Variants in SMURF2 observed in about 807,000 individuals in gnomAD.
SMURF2 encodes SMAD specific E3 ubiquitin protein ligase 2, also known as E3 ubiquitin-protein ligase SMURF2.
SMURF2 carries 48 observed loss-of-function variants against 109.6 expected under a neutral mutation model. The observed-to-expected ratio is 0.44, with a 90% confidence interval of 0.35 to 0.56. The LOEUF is 0.56. Ranked by LOEUF, SMURF2 falls within the 20% of genes least tolerant of loss-of-function variation. The probability of loss-of-function intolerance (pLI) is 0.01; values close to 1 mark genes in which losing one functional copy is unlikely to be tolerated. For missense variants in SMURF2, 575 were observed against 909.0 expected (o/e 0.63, Z 4.72); for synonymous variants, 288 against 317.1 (o/e 0.91, Z 0.97).
intron 13 of SMURF2, among the ~76,000 whole-genome samples, chr17:64,556,839 T>TA (rs1969126547): frequency 6.6e-6 from 1 of 152,228 alleles, no homozygotes; most frequent in African/African-American, 2.4e-5. Flanking sequence ...AGCTCGTCTT[T>TA]AAACCTTTTA....
intron 14 of SMURF2, 42 bp from the exon 15 acceptor site, chr17:64,555,035 A>G: frequency 6.4e-7 from 1 of 1,574,344 alleles, no homozygotes; most frequent in South Asian, 1.1e-5. Flanking sequence ...GGGAAACCTA[A>G]AATACAGACC....
At chr17:64,624,260 G>A (rs1217233866) in intron 1 of SMURF2, among the ~76,000 whole-genome samples, 1 of 152,152 alleles carries the variant, frequency 6.6e-6, no homozygotes, top group African/African-American at 2.4e-5. Flanking sequence ...ACTTTGGGAG[G>A]CTGAGGCGGG....
intron 1 of SMURF2, among the ~76,000 whole-genome samples, chr17:64,655,361 G>A (rs1468886212): frequency 2.1e-5 from 3 of 144,708 alleles, no homozygotes; most frequent in East Asian, 2.1e-4. Flanking sequence ...AGGTTCAAGC[G>A]ATTCTTGTGA....
Position 64,557,635 on chromosome 17 carries a change from C to G in SMURF2, c.1404G>C (p.Gln468His). Reference protein sequence around the residue: ...QYSRDDIYTLQINPDSAVNPE... With the variant: ...QYSRDDIYTLHINPDSAVNPE... ...GATTAACTGCAGAATCAGGATTGAT[C>G]TGCAATGTATAAATATCATCTCTTG... is the stretch of plus-strand genomic sequence containing the variant. The change falls in exon 13 of 19, where the codon CAG (glutamine) becomes CAC (histidine). Residue 468 changes from glutamine (Q) to histidine (H), a missense_variant. This residue lies in a region of SMURF2 where 361 missense variants were observed against 612.1 expected (regional missense o/e 0.59). Transcript: ENST00000262435. 6.2e-7 allele frequency: 1 copy of G among 1,608,132 alleles called. No individual in the cohort carries two copies. Among genetic ancestry groups the G allele is most frequent in the Non-Finnish European group, 8.5e-7 (1 of 1,175,610 alleles).
chr17:64,644,269 G>A (rs1056587230), intron 1 of SMURF2, among the ~76,000 whole-genome samples: 2 of 152,018 alleles, frequency 1.3e-5, no homozygotes, highest in Admixed American at 6.6e-5. Flanking sequence ...ATAAGCCACC[G>A]CGCCCAGCCT....
chr17:64,555,812 A>G lies in SMURF2; in HGVS notation c.1610+8T>C, dbSNP rs1298605195. ...TTATAATGAAGAGATAGAAGACTCA[A>G]TACATACAGTATCCACACTAAACTG... On this transcript the variant is annotated splice_region_variant and intron_variant, in intron 14 of 18. Coordinates refer to ENST00000262435, the MANE Select transcript of SMURF2 (RefSeq NM_022739.4). 4.4e-6 allele frequency: 7 copies of G among 1,590,922 alleles called. No homozygotes were observed. The highest frequency in any genetic ancestry group is 6.0e-6 in the Non-Finnish European group (7 of 1,163,658).
Position 64,581,102 on chromosome 17 carries a change from G to A in SMURF2, c.570-111C>T. ...CAACCACTTATCATGTCTGAAAACA[G>A]AATGACTAATACAAGTATAATGACT... On this transcript the variant is annotated intron_variant, in intron 7 of 18. Transcript: ENST00000262435. This position sits in a 1 kb window ranked among gnomAD's most constrained non-coding sequence, Gnocchi z 4.3. The A allele has an allele frequency of 2.1e-6, 2 of 935,504 alleles. No individual in the cohort carries two copies. The highest frequency in any genetic ancestry group is 1.6e-6 in the Non-Finnish European group (1 of 615,522). 58.0% of individuals were successfully genotyped at this position (935,504 alleles called of 1,614,324 possible).
intron 10 of SMURF2, among the ~76,000 whole-genome samples, chr17:64,567,044 G>A (rs9906748): frequency 1.3e-5 from 2 of 151,426 alleles, no homozygotes; most frequent in African/African-American, 4.9e-5. Flanking sequence ...TTTTTTTGTA[G>A]AGACAGGTTT....
At chr17:64,613,111 T>C (rs1970068084) in intron 1 of SMURF2, among the ~76,000 whole-genome samples, 1 of 152,186 alleles carries the variant, frequency 6.6e-6, no homozygotes, top group Non-Finnish European at 1.5e-5. Context: ...TCTGTAAAAA[T>C]AAATTGTTTT....
intron 1 of SMURF2, among the ~76,000 whole-genome samples, chr17:64,611,984 T>G (rs1461886244): frequency 6.6e-6 from 1 of 152,072 alleles, no homozygotes; most frequent in East Asian, 1.9e-4. Context: ...CACGTGCCAT[T>G]CTCTCTGCCT....
At chr17:64,579,909 T>C (rs1189458315) in intron 8 of SMURF2, among the ~76,000 whole-genome samples, 9 of 152,226 alleles carry the variant, frequency 5.9e-5, no homozygotes, top group Non-Finnish European at 7.3e-5. Context: ...CTTTGAGTCA[T>C]AGCACAGTTA....
At position 64,554,910 on chromosome 17, in the gene SMURF2, T is replaced by G; in HGVS notation, c.1694A>C (p.Lys565Thr). Residue 565 changes from lysine (K) to threonine (T), a missense_variant, in exon 15 of 19, where the codon AAA (lysine) becomes ACA (threonine). This residue lies in a region of SMURF2 where 361 missense variants were observed against 612.1 expected (regional missense o/e 0.59). Transcript: ENST00000262435. ...AACAGGGATACTTTTGCCATTTGGTTTAAGTTCATGCTGAATAATTTCACC... is the reference window on the plus strand; with the variant it reads ...AACAGGGATACTTTTGCCATTTGGTGTAAGTTCATGCTGAATAATTTCACC... Reference protein sequence around the residue: ...AYGEIIQHELKPNGKSIPVNE... With the variant: ...AYGEIIQHELTPNGKSIPVNE... The G allele has an allele frequency of 1.9e-6, 3 of 1,613,712 alleles. No homozygotes were observed. Among genetic ancestry groups the G allele is most frequent in the Non-Finnish European group, 2.5e-6 (3 of 1,179,704 alleles).
At chr17:64,595,075 T>C (rs1233296189) in intron 3 of SMURF2, among the ~76,000 whole-genome samples, 2 of 152,182 alleles carry the variant, frequency 1.3e-5, no homozygotes, top group African/African-American at 4.8e-5. Context: ...CATATATTGA[T>C]TACCTCAGTC....
Position 64,593,629 on chromosome 17 carries a change from A to C in SMURF2, c.201-56T>G, listed in dbSNP as rs539712591. 120 of 1,425,176 alleles carry C rather than the reference A, an allele frequency of 8.4e-5. No individual in the cohort carries two copies. In the African/African-American group the frequency reaches 1.6e-3, roughly 19 times the overall value. The allele number at this position is 1,425,176 out of a possible 1,614,324, so 88.3% of individuals were successfully genotyped here. ...TGGTAGTTACAGGCAGTTGGCGTAAAATTTTTCTTTTGTTCTTTTTATATT... is the reference window on the plus strand; with the variant it reads ...TGGTAGTTACAGGCAGTTGGCGTAACATTTTTCTTTTGTTCTTTTTATATT... On this transcript the variant is annotated intron_variant, in intron 3 of 18. Coordinates refer to ENST00000262435, the MANE Select transcript of SMURF2 (RefSeq NM_022739.4).
intron 1 of SMURF2, among the ~76,000 whole-genome samples, chr17:64,608,494 T>G (rs891601838): frequency 7.2e-5 from 11 of 152,112 alleles, no homozygotes; most frequent in African/African-American, 2.4e-4. Flanking sequence ...TTTAGAGAAC[T>G]CCTCCCCAAA....
Position 64,662,245 on chromosome 17 carries a change from C to T in SMURF2, c.-365G>A, listed in dbSNP as rs1192696176. 1.0e-6 allele frequency: 1 copy of T among 983,204 alleles called. No homozygotes were observed. The allele number at this position is 983,204 out of a possible 1,614,324, so 60.9% of individuals were successfully genotyped here. A position where few individuals can be genotyped will look rare whatever the true frequency, so the allele number is the denominator to read the frequency against. ...GGCTGGTCGGCTGAAGCGGGCGGTG[C>T]TCGGGGGCGCCGGAGCAGAACTCTG... On this transcript the variant is annotated 5_prime_UTR_variant, in exon 1 of 19. Coordinates refer to ENST00000262435, the MANE Select transcript of SMURF2 (RefSeq NM_022739.4).
At chr17:64,571,775 C>T in intron 10 of SMURF2, 23 bp downstream of exon 10, 1 of 1,593,468 alleles carries the variant, frequency 6.3e-7, no homozygotes, top group South Asian at 1.1e-5. Context: ...CCCATTTTAA[C>T]ATGTATTGTT....
intron 5 of SMURF2, among the ~76,000 whole-genome samples, chr17:64,587,529 AAGG>A (rs1379134080): frequency 6.6e-6 from 1 of 152,230 alleles, no homozygotes; most frequent in Non-Finnish European, 1.5e-5. Context: ...CAAAAGACAG[AAGG>A]AGGTGTAGTC....
chr17:64,637,121 T>C (rs969451070), intron 1 of SMURF2, among the ~76,000 whole-genome samples: 54 of 150,228 alleles, frequency 3.6e-4, no homozygotes, highest in Admixed American at 1.1e-3. Context: ...TGTGTTTCTA[T>C]CTAAGAGATT....
Sources: gnomAD v4.1 joint callset for allele counts (sites outside exome capture counted in the v4.1 genomes callset) on GRCh38, gnomAD v4.1.1 for gene constraint, gnomAD v4.1.1 regional missense constraint, Gnocchi (gnomAD v3.1) non-coding constraint, MANE v1.5 for transcripts, NCBI Gene and HGNC (gene_info 2026-07-23, HGNC 2026-07-21) for gene names.